The following PRKCH variants were observed in gnomAD, a reference collection of about 807,000 sequenced individuals.
PRKCH encodes the protein protein kinase C eta.
A neutral mutation model predicts 82.5 loss-of-function variants in PRKCH; 28 were observed. That is an observed-to-expected ratio of 0.34 (90% confidence interval 0.25 to 0.47). The LOEUF (loss-of-function observed/expected upper bound fraction) is 0.47. Among genes scored for constraint, PRKCH ranks in the 20% least tolerant of loss-of-function variants. The pLI is 1.00. For missense variants in PRKCH, 705 were observed against 881.8 expected (o/e 0.80, Z 2.54); for synonymous variants, 322 against 327.4 (o/e 0.98, Z 0.18).
chr14:61,437,410 G>A (rs1883729968), intron 2 of PRKCH, among the ~76,000 whole-genome samples: 1 of 152,124 alleles, frequency 6.6e-6, no homozygotes, highest in Non-Finnish European at 1.5e-5. Flanking sequence ...TTAACTCTAA[G>A]GTTTTTCTGT....
At chr14:61,263,084 T>C (rs2045064681) in intron 1 of PRKCH, among the ~76,000 whole-genome samples, 1 of 152,310 alleles carries the variant, frequency 6.6e-6, no homozygotes, top group Middle Eastern at 3.4e-3. Flanking sequence ...TTTTATTCAT[T>C]ATATGTGTTC....
chr14:61,542,185 G>A (rs1177457060), intron 12 of PRKCH, among the ~76,000 whole-genome samples: 1 of 152,074 alleles, frequency 6.6e-6, no homozygotes, highest in Non-Finnish European at 1.5e-5. Flanking sequence ...AGCTACTCGG[G>A]AGGCTGAGGA....
chr14:61,547,168 C>T (rs1256206619), intron 12 of PRKCH, among the ~76,000 whole-genome samples: 3 of 152,198 alleles, frequency 2.0e-5, no homozygotes, highest in African/African-American at 7.2e-5. Flanking sequence ...ATGATATCTT[C>T]GCTGCATAAA....
chr14:61,419,991 C>G (rs971307758), intron 2 of PRKCH, among the ~76,000 whole-genome samples: 2 of 152,214 alleles, frequency 1.3e-5, no homozygotes, highest in Non-Finnish European at 2.9e-5. Flanking sequence ...GTCACCCTCA[C>G]TGCACAAAAT....
intron 1 of PRKCH, among the ~76,000 whole-genome samples, chr14:61,334,848 T>G (rs1318530449): frequency 1.3e-5 from 2 of 151,872 alleles, no homozygotes; most frequent in Non-Finnish European, 2.9e-5. Flanking sequence ...TAGCTTTGGG[T>G]GCTTTTTAAA....
chr14:61,317,614 C>T (rs2045574069), upstream of PRKCH, among the ~76,000 whole-genome samples: 5 of 152,148 alleles, frequency 3.3e-5, no homozygotes, highest in Admixed American at 3.3e-4. Flanking sequence ...CATCTCTTGA[C>T]ATCATTTGAC....
intron 1 of PRKCH, among the ~76,000 whole-genome samples, chr14:61,247,283 C>A (rs1479540670): frequency 6.7e-6 from 1 of 149,616 alleles, no homozygotes; most frequent in Non-Finnish European, 1.5e-5. Flanking sequence ...TTTTTTTAAA[C>A]TCTGTAGGAA....
At chr14:61,257,347 T>G (rs1241158049) in intron 1 of PRKCH, among the ~76,000 whole-genome samples, 1 of 152,156 alleles carries the variant, frequency 6.6e-6, no homozygotes, top group African/African-American at 2.4e-5. Context: ...AACACCGATC[T>G]CGGTGGAACT....
intron 1 of PRKCH, among the ~76,000 whole-genome samples, chr14:61,221,170 G>A (rs574843125): frequency 3.3e-5 from 5 of 152,302 alleles, no homozygotes; most frequent in African/African-American, 1.2e-4. Flanking sequence ...CTCCAACAGC[G>A]ATCGGCTCAG....
intron 2 of PRKCH, among the ~76,000 whole-genome samples, chr14:61,410,679 CT>C (rs1230287340): frequency 6.6e-6 from 1 of 152,180 alleles, no homozygotes; most frequent in Non-Finnish European, 1.5e-5. Flanking sequence ...CTCTTTTTCC[CT>C]CTCCCAGAGC....
At chr14:61,303,586 T>G (rs2045463195) in intron 1 of PRKCH, 1 of 152,138 alleles carries the variant, frequency 6.6e-6, no homozygotes, top group African/African-American at 2.4e-5. Flanking sequence ...ATGCATTGCA[T>G]CTCATGCCAA....
chr14:61,434,132 C>T (rs1883560406), intron 2 of PRKCH, among the ~76,000 whole-genome samples: 1 of 152,008 alleles, frequency 6.6e-6, no homozygotes, highest in Non-Finnish European at 1.5e-5. Flanking sequence ...CATGTTCTCT[C>T]CAGTTAAATT....
upstream of PRKCH, among the ~76,000 whole-genome samples, chr14:61,321,034 G>A (rs1346739290): frequency 6.6e-6 from 1 of 152,186 alleles, no homozygotes; most frequent in Non-Finnish European, 1.5e-5. This position sits in a 1 kb window ranked among gnomAD's most constrained non-coding sequence, Gnocchi z 4.1. Flanking sequence ...CATTACTACT[G>A]CCCTATTAAA....
At chr14:61,405,092 G>T (rs1219151470) in intron 2 of PRKCH, among the ~76,000 whole-genome samples, 1 of 152,110 alleles carries the variant, frequency 6.6e-6, no homozygotes, top group East Asian at 1.9e-4. Context: ...GATGTATTTT[G>T]CTAATGCGGA....
chr14:61,242,274 C>G (rs556571882), intron 1 of PRKCH, among the ~76,000 whole-genome samples: 82 of 152,268 alleles, frequency 5.4e-4, no homozygotes, highest in Middle Eastern at 3.4e-3. Flanking sequence ...CATACCTTAA[C>G]TCAAAACTCT....
intron 1 of PRKCH, among the ~76,000 whole-genome samples, chr14:61,232,821 C>T (rs1447690378): frequency 6.6e-6 from 1 of 152,174 alleles, no homozygotes; most frequent in Non-Finnish European, 1.5e-5. Flanking sequence ...AGTCCCAACC[C>T]TCTAATCAGG....
At chr14:61,364,260 G>A (rs878930448) in intron 1 of PRKCH, among the ~76,000 whole-genome samples, 1 of 151,788 alleles carries the variant, frequency 6.6e-6, no homozygotes, top group Admixed American at 6.6e-5. Context: ...GATAGAATGG[G>A]ATTGGGAACT....
intron 1 of PRKCH, among the ~76,000 whole-genome samples, chr14:61,381,802 G>A (rs1452002467): frequency 6.6e-6 from 1 of 152,252 alleles, no homozygotes; most frequent in Non-Finnish European, 1.5e-5. Context: ...AGGGGAATGA[G>A]TGGTGTGATG....
chr14:61,448,649 G>T (rs1884340615), intron 4 of PRKCH, among the ~76,000 whole-genome samples: 1 of 152,252 alleles, frequency 6.6e-6, no homozygotes, highest in South Asian at 2.1e-4. Context: ...TTAAGATTTG[G>T]TTAGTTGATA....
Sources: allele counts gnomAD v4.1 joint callset (sites outside exome capture counted in the v4.1 genomes callset), GRCh38; gene constraint gnomAD v4.1.1; non-coding constraint Gnocchi (gnomAD v3.1); transcripts MANE v1.5; gene names NCBI Gene and HGNC (gene_info 2026-07-23, HGNC 2026-07-21).